The following DMD variants were observed in gnomAD, a reference collection of about 807,000 sequenced individuals.
DMD encodes the protein mutant dystrophin.
DMD carries 63 observed loss-of-function variants against 330.1 expected under a neutral mutation model. That is an observed-to-expected ratio of 0.19 (90% CI 0.16 to 0.24). The LOEUF is 0.24. Among genes scored for constraint, DMD ranks in the 10% least tolerant of loss-of-function variants. DMD has a pLI of 1.00. For missense variants in DMD, 3,344 were observed against 2,684.1 expected, an observed-to-expected ratio of 1.25 and a Z score of -5.43; for synonymous variants, 1,223 against 959.8, an observed-to-expected ratio of 1.27 and a Z score of -5.07.
chrX:31,281,751 C>G (rs2052624883), intron 62 of DMD, among the ~76,000 whole-genome samples: 1 of 111,269 alleles, frequency 9.0e-6, no homozygotes, highest in African/African-American at 3.3e-5. Flanking sequence ...CAAATTAGAC[C>G]TAGTCTCTGA....
chrX:32,288,050 T>C (rs1302736306), intron 42 of DMD, among the ~76,000 whole-genome samples: 1 of 110,822 alleles, frequency 9.0e-6, no homozygotes, highest in African/African-American at 3.3e-5. Context: ...TTCTTCTCTG[T>C]CCATAATCCA....
chrX:32,477,730 A>G (rs1231728490), intron 21 of DMD, among the ~76,000 whole-genome samples: 3 of 95,996 alleles, frequency 3.1e-5, no homozygotes, highest in South Asian at 3.9e-4. Flanking sequence ...CACTTTACTG[A>G]AAAAAAAAAT....
In DMD at chrX:33,297,254, C is replaced by CT. The variant is rs769212684; in HGVS notation, c.7+42004dup. 9.9e-4 allele frequency among the ~76,000 whole-genome samples: 108 copies of CT among 109,413 alleles called. 2 individuals carry two copies. In the East Asian group the frequency reaches 0.019, roughly 19 times the overall value. ...AAAATAGACTTTGATAGTAGACAGA[C>CT]TTTTTTTTTGATGAATTGGTAATAT... On this transcript the variant is annotated intron_variant, in intron 1 of 17. Transcript: ENST00000288447.
intron 44 of DMD, among the ~76,000 whole-genome samples, chrX:32,164,035 T>A (rs142287795): frequency 2.8e-3 from 307 of 111,570 alleles, no homozygotes; most frequent in African/African-American, 9.7e-3. Flanking sequence ...AGATTTCTGT[T>A]CAAATGTCAC....
intron 56 of DMD, among the ~76,000 whole-genome samples, chrX:31,502,059 G>C (rs1339043886): frequency 2.7e-5 from 3 of 111,049 alleles, no homozygotes; most frequent in African/African-American, 9.8e-5. Flanking sequence ...GGAAAAACTG[G>C]ATATCCATAT....
intron 39 of DMD, among the ~76,000 whole-genome samples, chrX:32,344,701 T>C (rs919150419): frequency 9.0e-6 from 1 of 111,288 alleles, no homozygotes; most frequent in African/African-American, 3.3e-5. Flanking sequence ...ATGTATAATA[T>C]GTAAAATATT....
intron 55 of DMD, among the ~76,000 whole-genome samples, chrX:31,558,226 G>A (rs2074969442): frequency 9.0e-6 from 1 of 111,680 alleles, no homozygotes; most frequent in Non-Finnish European, 1.9e-5. Flanking sequence ...TGATTGAGTA[G>A]AATTTTACGT....
intron 9 of DMD, among the ~76,000 whole-genome samples, chrX:32,674,239 G>A (rs1025156061): frequency 1.8e-5 from 2 of 111,330 alleles, no homozygotes; most frequent in African/African-American, 6.5e-5. Context: ...AGCAGTACTG[G>A]ACATCAAATT....
intron 44 of DMD, among the ~76,000 whole-genome samples, chrX:32,087,592 G>A (rs916437416): frequency 1.8e-5 from 2 of 111,815 alleles, no homozygotes; most frequent in Admixed American, 9.5e-5. Flanking sequence ...CCGCTAGTCC[G>A]AGTCAATCAG....
intron 41 of DMD, among the ~76,000 whole-genome samples, chrX:32,332,413 AGTGTGTGTGTGTGT>A (rs111973319): frequency 2.1e-5 from 2 of 95,341 alleles, no homozygotes; most frequent in Non-Finnish European, 4.1e-5. Context: ...ATGGATAAAA[AGTGTGTGTGTGTGT>A]GTGTGTGTGT....
intron 44 of DMD, among the ~76,000 whole-genome samples, chrX:32,082,542 C>A (rs771068444): frequency 4.7e-4 from 53 of 111,666 alleles, no homozygotes; most frequent in Non-Finnish European, 9.2e-4. Context: ...TAGTGTGAGG[C>A]ACTGCACCTG....
At chrX:32,176,088 C>T (rs778197923) in intron 44 of DMD, among the ~76,000 whole-genome samples, 3 of 111,698 alleles carry the variant, frequency 2.7e-5, no homozygotes, top group African/African-American at 6.5e-5. Flanking sequence ...CCCTTGTGCC[C>T]GGAATGCTTT....
At chrX:31,921,472 G>A (rs2094689113) in intron 47 of DMD, among the ~76,000 whole-genome samples, 1 of 111,758 alleles carries the variant, frequency 8.9e-6, no homozygotes. Context: ...TCCTTCACCT[G>A]TTGCATTCAT....
At chrX:31,734,966 T>C (rs1172623026) in intron 51 of DMD, among the ~76,000 whole-genome samples, 1 of 111,715 alleles carries the variant, frequency 9.0e-6, no homozygotes, top group Non-Finnish European at 1.9e-5. Context: ...CCTTCTATTA[T>C]TGGGTCTTAA....
intron 67 of DMD, among the ~76,000 whole-genome samples, chrX:31,190,108 C>T (rs932020351): frequency 1.8e-5 from 2 of 111,866 alleles, no homozygotes; most frequent in Admixed American, 9.5e-5. Context: ...GAAATGATGC[C>T]GTACCCCAGA....
At chrX:33,223,943 A>G (rs1471815087) in intron 1 of DMD, among the ~76,000 whole-genome samples, 1 of 112,540 alleles carries the variant, frequency 8.9e-6, no homozygotes, top group African/African-American at 3.2e-5. Flanking sequence ...ATAACTCACC[A>G]AAGAAGATAT....
chrX:32,680,151 A>G (rs1358441806), intron 9 of DMD, among the ~76,000 whole-genome samples: 2 of 108,722 alleles, frequency 1.8e-5, no homozygotes, highest in Non-Finnish European at 3.8e-5. Context: ...TGAACTCATG[A>G]TCCGCCTGCT....
At chrX:31,690,177 C>T (rs1471754922) in intron 52 of DMD, among the ~76,000 whole-genome samples, 1 of 111,878 alleles carries the variant, frequency 8.9e-6, no homozygotes, top group Non-Finnish European at 1.9e-5. Flanking sequence ...TCAGAGTGAA[C>T]AGGCAGCCTA....
At chrX:31,618,404 AT>A (rs886195496) in intron 55 of DMD, among the ~76,000 whole-genome samples, 2 of 111,844 alleles carry the variant, frequency 1.8e-5, no homozygotes, top group African/African-American at 6.5e-5. Flanking sequence ...TGAGGACTTG[AT>A]AAAAATATTT....
Sources: allele counts gnomAD v4.1 joint callset (sites outside exome capture counted in the v4.1 genomes callset), GRCh38; gene constraint gnomAD v4.1.1; transcripts MANE v1.5; gene names NCBI Gene and HGNC (gene_info 2026-07-23, HGNC 2026-07-21).